Variants in WWOX observed in about 807,000 individuals in gnomAD.
The protein encoded by WWOX is WW domain-containing oxidoreductase.
Under a neutral mutation model 46.2 loss-of-function variants are expected in WWOX, and 69 were observed. That is an observed-to-expected ratio of 1.49 (90% CI 1.23 to 1.82). WWOX has a LOEUF of 1.82. Ranked by LOEUF, WWOX falls within the 40% of genes most tolerant of loss-of-function variation. The pLI, the probability that WWOX is intolerant of heterozygous loss-of-function variation, is 0.00. For missense variants in WWOX, 919 were observed against 542.6 expected (o/e 1.69, Z -6.89); for synonymous variants, 359 against 202.6 (o/e 1.77, Z -6.56).
chr16:79,195,532 A>T (rs2051222842), intron 8 of WWOX, among the ~76,000 whole-genome samples: 1 of 152,026 alleles, frequency 6.6e-6, no homozygotes, highest in Non-Finnish European at 1.5e-5. Context: ...AGAATGGGGG[A>T]TCTCAGCAGC....
At chr16:78,167,678 T>C (rs2035017313) in intron 5 of WWOX, 2 of 152,312 alleles carry the variant, frequency 1.3e-5, no homozygotes, top group South Asian at 4.2e-4. Context: ...AGATGATGAT[T>C]ATGGAAACTC....
chr16:78,150,142 A>G (rs1597271399), intron 4 of WWOX, among the ~76,000 whole-genome samples: 1 of 152,182 alleles, frequency 6.6e-6, no homozygotes, highest in Non-Finnish European at 1.5e-5. Flanking sequence ...TCCCACGACC[A>G]TCTCCTCAGG....
chr16:78,808,606 T>C (rs1406569986), intron 8 of WWOX, among the ~76,000 whole-genome samples: 2 of 152,190 alleles, frequency 1.3e-5, no homozygotes, highest in South Asian at 2.1e-4. Context: ...TCTTCCTCAC[T>C]GCTTCATTGG....
chr16:78,878,742 G>A (rs2044282331), intron 8 of WWOX, among the ~76,000 whole-genome samples: 1 of 151,954 alleles, frequency 6.6e-6, no homozygotes, highest in South Asian at 2.1e-4. Flanking sequence ...TCCTGACAAT[G>A]TTAGTGAAGT....
chr16:78,761,311 G>A (rs1325698631), intron 8 of WWOX, among the ~76,000 whole-genome samples: 1 of 152,190 alleles, frequency 6.6e-6, no homozygotes, highest in Admixed American at 6.5e-5. Context: ...TTATCAATCT[G>A]TTTGGATTTT....
chr16:78,935,727 C>T (rs2045723278), intron 8 of WWOX, among the ~76,000 whole-genome samples: 1 of 151,746 alleles, frequency 6.6e-6, no homozygotes, highest in South Asian at 2.1e-4. Context: ...GCACATTGTG[C>T]ACATGTACCC....
At chr16:78,965,230 A>G (rs1017487492) in intron 8 of WWOX, among the ~76,000 whole-genome samples, 2 of 152,220 alleles carry the variant, frequency 1.3e-5, no homozygotes, top group African/African-American at 2.4e-5. Context: ...AATAGTAACA[A>G]TTCCACAGAG....
chr16:78,855,729 C>A (rs145116422), intron 8 of WWOX, among the ~76,000 whole-genome samples: 1 of 152,262 alleles, frequency 6.6e-6, no homozygotes, highest in Non-Finnish European at 1.5e-5. Context: ...TGGAGAGAGA[C>A]GCACCACCTC....
chr16:78,191,804 T>A (rs1359918265), intron 5 of WWOX, among the ~76,000 whole-genome samples: 1 of 152,206 alleles, frequency 6.6e-6, no homozygotes, highest in Non-Finnish European at 1.5e-5. Context: ...GGAATAATTA[T>A]TAGAACAGTT....
intron 8 of WWOX, among the ~76,000 whole-genome samples, chr16:78,618,961 T>C (rs564408725): frequency 1.4e-4 from 21 of 149,648 alleles, no homozygotes; most frequent in African/African-American, 4.9e-4. Flanking sequence ...ACAAAGACTT[T>C]AAGATACTGA....
At chr16:79,117,034 G>C (rs1329087181) in intron 8 of WWOX, among the ~76,000 whole-genome samples, 1 of 143,692 alleles carries the variant, frequency 7.0e-6, no homozygotes, top group Non-Finnish European at 1.5e-5. Context: ...TTGTCAACAA[G>C]TGGAATATTT....
intron 5 of WWOX, among the ~76,000 whole-genome samples, chr16:78,292,827 T>C (rs2079881920): frequency 6.6e-6 from 1 of 152,180 alleles, no homozygotes; most frequent in Non-Finnish European, 1.5e-5. Flanking sequence ...TTCATTAAAA[T>C]ACTTTGTAAG....
At chr16:78,543,930 C>A (rs865858542) in intron 8 of WWOX, among the ~76,000 whole-genome samples, 44 of 152,056 alleles carry the variant, frequency 2.9e-4, no homozygotes, top group Admixed American at 2.8e-3. Context: ...CAACAGCCTG[C>A]CATAAATTTC....
At chr16:78,233,094 C>T (rs2037321524) in intron 5 of WWOX, among the ~76,000 whole-genome samples, 1 of 152,094 alleles carries the variant, frequency 6.6e-6, no homozygotes, top group African/African-American at 2.4e-5. Context: ...AAAGAAATAC[C>T]CATTATTTTG....
intron 5 of WWOX, among the ~76,000 whole-genome samples, chr16:78,212,060 G>A (rs745407818): frequency 6.6e-6 from 1 of 152,194 alleles, no homozygotes; most frequent in Non-Finnish European, 1.5e-5. Flanking sequence ...AAAGGCATGT[G>A]GGAGCAGCAA....
intron 8 of WWOX, among the ~76,000 whole-genome samples, chr16:78,585,887 C>T (rs916755185): frequency 6.6e-5 from 10 of 151,876 alleles, no homozygotes; most frequent in African/African-American, 2.2e-4. Context: ...TTCCAAGCTG[C>T]GCATCTTCCT....
intron 8 of WWOX, among the ~76,000 whole-genome samples, chr16:78,505,834 T>TAGAG (rs56938184): frequency 6.6e-6 from 1 of 151,826 alleles, no homozygotes; most frequent in Non-Finnish European, 1.5e-5. Flanking sequence ...TCTGATTCTG[T>TAGAG]AGAGAGAGTG....
chr16:78,721,020 G>A (rs2048676730), intron 8 of WWOX, among the ~76,000 whole-genome samples: 1 of 152,016 alleles, frequency 6.6e-6, no homozygotes, highest in Admixed American at 6.6e-5. Flanking sequence ...ATTTACTATT[G>A]CCAACTCCTG....
chr16:78,321,748 C>A (rs542779011), intron 5 of WWOX, among the ~76,000 whole-genome samples: 1 of 152,230 alleles, frequency 6.6e-6, no homozygotes, highest in African/African-American at 2.4e-5. Context: ...TGGTGCCTGG[C>A]GTCAGCACAC....
Sources: gnomAD v4.1 joint callset for allele counts (sites outside exome capture counted in the v4.1 genomes callset) on GRCh38, gnomAD v4.1.1 for gene constraint, MANE v1.5 for transcripts, NCBI Gene and HGNC (gene_info 2026-07-23, HGNC 2026-07-21) for gene names.